The following PLEKHG1 variants were observed in gnomAD, a reference collection of about 807,000 sequenced individuals.
PLEKHG1 encodes pleckstrin homology and RhoGEF domain containing G1.
A neutral mutation model predicts 100.8 loss-of-function variants in PLEKHG1; 44 were observed. That is an observed-to-expected ratio of 0.44 (90% CI 0.34 to 0.56). PLEKHG1 has a LOEUF of 0.56. Among genes scored for constraint, PLEKHG1 ranks in the 20% least tolerant of loss-of-function variants. The pLI, the probability that PLEKHG1 is intolerant of heterozygous loss-of-function variation, is 0.01. For missense variants in PLEKHG1, 1,545 were observed against 1,720.9 expected, an observed-to-expected ratio of 0.90 and a Z score of 1.81; for synonymous variants, 640 against 662.5, an observed-to-expected ratio of 0.97 and a Z score of 0.52.
chr6:150,794,186 A>G (rs1288626423), intron 4 of PLEKHG1, among the ~76,000 whole-genome samples: 1 of 152,220 alleles, frequency 6.6e-6, no homozygotes, highest in Non-Finnish European at 1.5e-5. Context: ...GAAGAAAAAT[A>G]GGGGAGAACT....
rs1015198189 is a variant in PLEKHG1 at position 150,683,776 on chromosome 6, T to C, written c.-99+32990T>C. The C allele has an allele frequency of 1.2e-5, 16 of 1,287,466 alleles. No homozygotes were observed. Among genetic ancestry groups the C allele is most frequent in the Admixed American group, 2.3e-5 (1 of 43,054 alleles). 79.8% of individuals were successfully genotyped at this position (1,287,466 alleles called of 1,614,324 possible). ...TCTGAAGGAAAGATGGAGCCATTCT[T>C]GGTGGGGCGGAAGAGGCAGGAAACT... On this transcript the variant is annotated intron_variant, in intron 3 of 3. Transcript: ENST00000367326. This position sits in a 1 kb window ranked among gnomAD's most constrained non-coding sequence, Gnocchi z 4.0.
chr6:150,825,731 G>T (rs1776561458), intron 14 of PLEKHG1, among the ~76,000 whole-genome samples: 1 of 152,162 alleles, frequency 6.6e-6, no homozygotes, highest in Non-Finnish European at 1.5e-5. Context: ...ATCTGTTTCT[G>T]CCATTTATAA....
At chr6:150,795,725 A>G (rs1231496420) in intron 4 of PLEKHG1, 131 bp from the exon 6 acceptor site, 5 of 378,368 alleles carry the variant, frequency 1.3e-5, no homozygotes, top group Non-Finnish European at 2.3e-5. Flanking sequence ...TCCGCCTAAA[A>G]AAAAAAACAA....
intron 1 of PLEKHG1, among the ~76,000 whole-genome samples, chr6:150,614,424 C>T (rs1562383947): frequency 1.3e-5 from 2 of 152,170 alleles, no homozygotes; most frequent in Non-Finnish European, 2.9e-5. Flanking sequence ...AACTACTGTA[C>T]AGGATCATGA....
chr6:150,652,720 C>CAAAAAAAA (rs199612130), intron 3 of PLEKHG1, among the ~76,000 whole-genome samples: 1 of 82,046 alleles, frequency 1.2e-5, no homozygotes. Flanking sequence ...AACTGTGTCT[C>CAAAAAAAA]AAAAAAAAAA....
At chr6:150,780,278 G>C (rs1288857631) in intron 3 of PLEKHG1, among the ~76,000 whole-genome samples, 1 of 151,598 alleles carries the variant, frequency 6.6e-6, no homozygotes, top group Non-Finnish European at 1.5e-5. Flanking sequence ...ACCACACCTG[G>C]CTAATTTTTG....
intron 2 of PLEKHG1, among the ~76,000 whole-genome samples, chr6:150,741,347 T>C (rs1782845789): frequency 6.6e-6 from 1 of 152,164 alleles, no homozygotes; most frequent in Admixed American, 6.5e-5. Flanking sequence ...CTCCAAACTT[T>C]TATGGCTAGA....
intron 3 of PLEKHG1, among the ~76,000 whole-genome samples, chr6:150,697,736 A>T (rs572533048): frequency 1.3e-5 from 2 of 152,316 alleles, no homozygotes; most frequent in South Asian, 2.1e-4. Context: ...TGACACAGAC[A>T]GTCCCATGCT....
At chr6:150,657,596 G>GT (rs1463162019) in intron 3 of PLEKHG1, among the ~76,000 whole-genome samples, 2 of 152,170 alleles carry the variant, frequency 1.3e-5, no homozygotes, top group Admixed American at 6.5e-5. Flanking sequence ...GCTTTTAGTT[G>GT]TATCAGTTTT....
chr6:150,708,321 A>G (rs1473815924), intron 3 of PLEKHG1, among the ~76,000 whole-genome samples: 2 of 152,148 alleles, frequency 1.3e-5, no homozygotes, highest in African/African-American at 2.4e-5. Flanking sequence ...TTGTCCTACC[A>G]GACTTCCTTC....
At chr6:150,615,199 G>A (rs1777016455) in intron 1 of PLEKHG1, among the ~76,000 whole-genome samples, 1 of 152,150 alleles carries the variant, frequency 6.6e-6, no homozygotes, top group African/African-American at 2.4e-5. Flanking sequence ...CGACTTCATG[G>A]TTTGAAGAAG....
intron 4 of PLEKHG1, among the ~76,000 whole-genome samples, chr6:150,792,615 A>G (rs1339516210): frequency 6.6e-6 from 1 of 151,796 alleles, no homozygotes. Context: ...CAAAGGCTGC[A>G]GTGAACCGAG....
At chr6:150,719,491 A>G (rs1167911401), upstream of PLEKHG1, among the ~76,000 whole-genome samples, 4 of 152,326 alleles carry the variant, frequency 2.6e-5, no homozygotes, top group East Asian at 5.8e-4. Context: ...CCTGCCCCCA[A>G]CAGCTACCAT....
exon 13 of PLEKHG1, chr6:150,821,224 A>C: frequency 6.2e-7 from 1 of 1,610,736 alleles, no homozygotes; most frequent in Non-Finnish European, 8.5e-7. Flanking sequence ...TAAAGTTTTG[A>C]AGACCAGTGG....
chr6:150,666,733 C>G (rs1055243618), intron 3 of PLEKHG1, among the ~76,000 whole-genome samples: 1 of 151,974 alleles, frequency 6.6e-6, no homozygotes, highest in Non-Finnish European at 1.5e-5. Flanking sequence ...TAGCTTCATA[C>G]AGTTGCCATC....
At chr6:150,778,530 C>T (rs939620199) in intron 3 of PLEKHG1, among the ~76,000 whole-genome samples, 3 of 152,166 alleles carry the variant, frequency 2.0e-5, no homozygotes, top group Non-Finnish European at 2.9e-5. Flanking sequence ...CTTTCACCCT[C>T]GCCCAGCCTC....
intron 14 of PLEKHG1, among the ~76,000 whole-genome samples, chr6:150,825,967 T>G (rs902835338): frequency 3.3e-5 from 5 of 151,886 alleles, no homozygotes; most frequent in Non-Finnish European, 7.4e-5. Flanking sequence ...TCACCTGAGG[T>G]CAGGAGTTTG....
At chr6:150,706,043 A>G (rs774647891) in intron 3 of PLEKHG1, among the ~76,000 whole-genome samples, 2 of 152,228 alleles carry the variant, frequency 1.3e-5, no homozygotes, top group Non-Finnish European at 2.9e-5. Flanking sequence ...TGATGGGACT[A>G]GAATCTCCAA....
At chr6:150,689,867 A>AG (rs1780279827) in intron 3 of PLEKHG1, among the ~76,000 whole-genome samples, 1 of 152,050 alleles carries the variant, frequency 6.6e-6, no homozygotes, top group Non-Finnish European at 1.5e-5. Flanking sequence ...AAAAAAAAAA[A>AG]AAAAAGAAAA....
Sources: gnomAD v4.1 joint callset for allele counts (sites outside exome capture counted in the v4.1 genomes callset) on GRCh38, gnomAD v4.1.1 for gene constraint, Gnocchi (gnomAD v3.1) non-coding constraint, MANE v1.5 for transcripts, NCBI Gene and HGNC (gene_info 2026-07-23, HGNC 2026-07-21) for gene names.